UBE2H: variants seen among roughly 807,000 people sequenced by gnomAD.
The protein encoded by UBE2H is ubiquitin-conjugating enzyme E2 H.
Under a neutral mutation model 29.0 loss-of-function variants are expected in UBE2H, and 3 were observed. That is an observed-to-expected ratio of 0.10 (90% CI 0.05 to 0.27). The LOEUF (loss-of-function observed/expected upper bound fraction) is 0.27, where lower values mean the gene tolerates loss of function less well. Ranked by LOEUF, UBE2H falls within the 10% of genes least tolerant of loss-of-function variation. The probability of loss-of-function intolerance (pLI) is 1.00; values close to 1 mark genes in which losing one functional copy is unlikely to be tolerated. For synonymous variants in UBE2H, 69 were observed against 82.9 expected, an observed-to-expected ratio of 0.83 and a Z score of 0.91; for missense variants, 68 against 228.2, an observed-to-expected ratio of 0.30 and a Z score of 4.52.
Position 129,857,382 on chromosome 7 carries a change from C to A in UBE2H, c.298+129G>T, listed in dbSNP as rs192820714. 0.011 allele frequency: 9,556 copies of A among 872,534 alleles called. 83 individuals are homozygous for A. Among genetic ancestry groups the A allele is most frequent in the Non-Finnish European group, 0.013 (7,335 of 564,780 alleles). The allele number at this position is 872,534 out of a possible 1,614,324, so 54.0% of individuals were successfully genotyped here. On this transcript the variant is annotated intron_variant, in intron 5 of 6. Coordinates refer to ENST00000355621, the MANE Select transcript of UBE2H (RefSeq NM_003344.4). ...ACATTTTTTCCACTGATCAAACTTT[C>A]CCAGTCGGTCCCTCAAAAATCCCTT...
At chr7:129,854,862 CA>C (rs1805676162) in intron 5 of UBE2H, among the ~76,000 whole-genome samples, 1 of 151,736 alleles carries the variant, frequency 6.6e-6, no homozygotes, top group South Asian at 2.1e-4. Flanking sequence ...ATTATTCAGC[CA>C]TAAGAACTTC....
intron 1 of UBE2H, among the ~76,000 whole-genome samples, chr7:129,918,008 T>C (rs1358022400): frequency 1.3e-5 from 2 of 152,212 alleles, no homozygotes; most frequent in East Asian, 3.9e-4. Context: ...TCTATTCTTT[T>C]AAGGCACTGA....
intron 5 of UBE2H, among the ~76,000 whole-genome samples, chr7:129,854,762 A>G (rs1805674864): frequency 6.6e-6 from 1 of 152,234 alleles, no homozygotes; most frequent in South Asian, 2.1e-4. Flanking sequence ...TTGTGCACAA[A>G]TATTTATAAC....
At chr7:129,863,958 A>G (rs968859022) in intron 3 of UBE2H, among the ~76,000 whole-genome samples, 2 of 151,804 alleles carry the variant, frequency 1.3e-5, no homozygotes, top group East Asian at 3.9e-4. Context: ...CAACCAGCTA[A>G]TTTTTGTATT....
At chr7:129,839,647 C>A (rs1422632861) in intron 5 of UBE2H, 4 of 296,590 alleles carry the variant, frequency 1.3e-5, no homozygotes, top group Admixed American at 5.5e-5. Flanking sequence ...CAAAACCCCC[C>A]ACTCTGAAAG....
intron 4 of UBE2H, 99 bp from the exon 5 acceptor site, chr7:129,857,662 T>C (rs1387045520): frequency 3.9e-6 from 5 of 1,272,480 alleles, no homozygotes; most frequent in African/African-American, 1.5e-5. Context: ...ATACTTCTAA[T>C]AGATCTGTGA....
At chr7:129,835,216 G>T (rs1805300247) in intron 6 of UBE2H, among the ~76,000 whole-genome samples, 155 bp from the exon 7 acceptor site, 1 of 152,162 alleles carries the variant, frequency 6.6e-6, no homozygotes, top group South Asian at 2.1e-4. Context: ...CAGCTAAGGA[G>T]AATCCCATAG....
intron 5 of UBE2H, among the ~76,000 whole-genome samples, chr7:129,846,987 C>T (rs1247298094): frequency 6.6e-6 from 1 of 151,998 alleles, no homozygotes; most frequent in Non-Finnish European, 1.5e-5. Flanking sequence ...ACTGTTACCC[C>T]GGGAAGCCGT....
chr7:129,878,366 G>A (rs1490112003), intron 3 of UBE2H, among the ~76,000 whole-genome samples: 1 of 152,020 alleles, frequency 6.6e-6, no homozygotes, highest in Non-Finnish European at 1.5e-5. Context: ...CTAGACTCCA[G>A]GATATCGGGC....
intron 5 of UBE2H, among the ~76,000 whole-genome samples, chr7:129,848,279 G>T (rs1301914696): frequency 6.6e-6 from 1 of 152,158 alleles, no homozygotes; most frequent in African/African-American, 2.4e-5. Flanking sequence ...TATGTACAAT[G>T]ATTATTTGCC....
chr7:129,841,783 A>C (rs1424914085), intron 5 of UBE2H, among the ~76,000 whole-genome samples: 1 of 152,210 alleles, frequency 6.6e-6, no homozygotes, highest in Non-Finnish European at 1.5e-5. Flanking sequence ...ACTTTATAGT[A>C]AGGTTCTCAT....
chr7:129,947,069 AACATACATACACAAAT>A (rs2116532753), intron 1 of UBE2H, among the ~76,000 whole-genome samples: 1 of 152,330 alleles, frequency 6.6e-6, no homozygotes, highest in African/African-American at 2.4e-5. Context: ...AGGTTGTTCT[AACATACATACACAAAT>A]ACAGGAGGGA....
intron 3 of UBE2H, among the ~76,000 whole-genome samples, chr7:129,871,729 A>G (rs1032171736): frequency 2.6e-5 from 4 of 151,442 alleles, no homozygotes; most frequent in African/African-American, 4.9e-5. Flanking sequence ...AAAAAAAAAA[A>G]GATATAGATC....
At chr7:129,905,424 A>T (rs571090651) in intron 1 of UBE2H, among the ~76,000 whole-genome samples, 1 of 152,228 alleles carries the variant, frequency 6.6e-6, no homozygotes, top group African/African-American at 2.4e-5. Context: ...AGCTATGTTT[A>T]CCTATAGAGA....
chr7:129,869,723 T>A (rs1805989618), intron 3 of UBE2H, among the ~76,000 whole-genome samples: 1 of 152,140 alleles, frequency 6.6e-6, no homozygotes. Context: ...CCCTGAGTAG[T>A]GAGTATTTGG....
chr7:129,839,535 C>T (rs1205408319), intron 5 of UBE2H, 200 bp from the exon 6 acceptor site: 22 of 594,032 alleles, frequency 3.7e-5, no homozygotes, highest in Middle Eastern at 9.9e-4. Flanking sequence ...ATTTGAAGAA[C>T]GAGATAAAGA....
intron 1 of UBE2H, among the ~76,000 whole-genome samples, chr7:129,923,325 CTAAAATAAAGATCTACAGTCA>C (rs1420333430): frequency 2.0e-5 from 3 of 152,140 alleles, no homozygotes; most frequent in Non-Finnish European, 4.4e-5. Context: ...TATGTGGCAG[CTAAAATAAAGATCTACAGTCA>C]TATCCATGTT....
intron 5 of UBE2H, among the ~76,000 whole-genome samples, chr7:129,842,099 GT>G (rs1404879852): frequency 6.6e-6 from 1 of 152,234 alleles, no homozygotes; most frequent in Non-Finnish European, 1.5e-5. Context: ...GGCAATAGAT[GT>G]GTAACTTCTA....
intron 1 of UBE2H, among the ~76,000 whole-genome samples, chr7:129,909,092 TTTAA>T (rs977734124): frequency 7.9e-5 from 12 of 152,286 alleles, no homozygotes; most frequent in South Asian, 2.1e-4. Context: ...CATTCAGAGT[TTTAA>T]TTGAGACACT....
Sources: allele counts gnomAD v4.1 joint callset (sites outside exome capture counted in the v4.1 genomes callset), GRCh38; gene constraint gnomAD v4.1.1; transcripts MANE v1.5; gene names NCBI Gene and HGNC (gene_info 2026-07-23, HGNC 2026-07-21).